Variants in P3H4 observed in about 807,000 individuals in gnomAD.
The protein encoded by P3H4 is prolyl 3-hydroxylase family member 4 (inactive), also known as endoplasmic reticulum protein SC65.
A neutral mutation model predicts 52.9 loss-of-function variants in P3H4; 47 were observed. That is an observed-to-expected ratio of 0.89 (90% CI 0.70 to 1.13). The LOEUF (loss-of-function observed/expected upper bound fraction) is 1.13, where lower values mean the gene tolerates loss of function less well. Among genes scored for constraint, P3H4 ranks in the 50% most tolerant of loss-of-function variants. The pLI is 0.00. For synonymous variants in P3H4, 256 were observed against 267.9 expected (o/e 0.96, Z 0.44); for missense variants, 585 against 611.0 (o/e 0.96, Z 0.45).
At position 41,811,774 on chromosome 17, in the gene P3H4, C is replaced by T; in HGVS notation, c.142G>A (p.Glu48Lys). 2 of 1,532,432 alleles carry T rather than the reference C, an allele frequency of 1.3e-6. No individual in the cohort carries two copies. The highest frequency in any genetic ancestry group is 4.0e-5 in the Admixed American group (2 of 50,478). The allele number at this position is 1,532,432 out of a possible 1,614,324, so 94.9% of individuals were successfully genotyped here. ...GCGCTCTCGCGCCAGCTCTCTCCCT[C>T]GTACTGCTCCAGAGCGTGCCCGTAC... ...AAYGHALEQY[E>K]GESWRESARY... The change falls in exon 1 of 8, where the codon GAG becomes AAG. Residue 48 changes from glutamate (E) to lysine (K), a missense_variant. By Grantham distance (56) the Glu-to-Lys change is moderately conservative. Coordinates refer to ENST00000393928, the MANE Select transcript of P3H4 (RefSeq NM_006455.3). This position sits in a 1 kb window ranked among gnomAD's most constrained non-coding sequence, Gnocchi z 4.8.
rs2047724909 is a variant in P3H4, at chr17:41,810,946, A to T, written c.704T>A (p.Leu235Gln). The T allele has an allele frequency of 6.2e-7, 1 of 1,614,056 alleles. No homozygotes were observed. The highest frequency in any genetic ancestry group is 1.1e-5 in the South Asian group (1 of 91,090). ...EDMERALSEY[L>Q]AVFARCLAGC... is the part of the protein sequence containing the mutation. ...GGCCAGGCACCGGGCAAAGACTGCC[A>T]GGTACTCTGACAAGGCCCGCTCCAT... Residue 235 changes from leucine (L) to glutamine (Q), a missense_variant, in exon 3 of 8, where the codon CTG (leucine) becomes CAG (glutamine). Coordinates refer to ENST00000393928, the MANE Select transcript of P3H4 (RefSeq NM_006455.3).
intron 3 of P3H4, 63 bp from the exon 4 acceptor site, chr17:41,809,897 G>A: frequency 1.3e-6 from 2 of 1,571,140 alleles, no homozygotes; most frequent in Non-Finnish European, 1.7e-6. Context: ...CCCCCCAGTG[G>A]AGAAGACTCT....
At chr17:41,806,954 G>T (rs1312173066) in intron 5 of P3H4, 75 bp from the exon 6 acceptor site, 2 of 1,161,298 alleles carry the variant, frequency 1.7e-6, no homozygotes, top group Non-Finnish European at 2.5e-6. Flanking sequence ...GGGCTCCTAG[G>T]ATCTGGGCCC....
In P3H4 at chr17:41,810,539, T is replaced by C. The variant is rs183890406; in HGVS notation, c.787+324A>G. 3.2e-3 allele frequency: 847 copies of C among 261,568 alleles called. 2 individuals are homozygous for C. Among genetic ancestry groups the C allele is most frequent in the Non-Finnish European group, 4.3e-3 (589 of 137,660 alleles). The allele number at this position is 261,568 out of a possible 1,614,324, so 16.2% of individuals were successfully genotyped here. A position where few individuals can be genotyped will look rare whatever the true frequency, so the allele number is the denominator to read the frequency against. On this transcript the variant is annotated intron_variant, in intron 3 of 7. Transcript: ENST00000393928. ...AGAGATCCCAAGACTAGGTGTAATT[T>C]CTGGTTATCAACTGCTTTCTGCACA...
chr17:41,811,659 G>A lies in P3H4; in HGVS notation c.257C>T (p.Ala86Val), dbSNP rs1555615215. 4.9e-6 allele frequency: 7 copies of A among 1,429,492 alleles called. No homozygotes were observed. The highest frequency in any genetic ancestry group is 1.5e-5 in the South Asian group (1 of 66,730). The allele number at this position is 1,429,492 out of a possible 1,614,324, so 88.6% of individuals were successfully genotyped here. The change falls in exon 1 of 8, where the codon GCG becomes GTG. Residue 86 changes from alanine (A) to valine (V), a missense_variant. Ala to Val is a moderately conservative substitution (Grantham distance 64). Coordinates refer to ENST00000393928, the MANE Select transcript of P3H4 (RefSeq NM_006455.3). This position sits in a 1 kb window ranked among gnomAD's most constrained non-coding sequence, Gnocchi z 4.8. Reference sequence around the variant, plus strand: ...GCCGCCGTCGGGATCGGGCTTGGCCGCGGGCGCGGGGCCGCTGCAGTTGGC... The same window carrying A: ...GCCGCCGTCGGGATCGGGCTTGGCCACGGGCGCGGGGCCGCTGCAGTTGGC... ...CHANCSGPAP[A>V]AKPDPDGGRA...
chr17:41,803,457 G>A, intron 6 of P3H4, 26 bp from the exon 7 acceptor site: 1 of 1,610,828 alleles, frequency 6.2e-7, no homozygotes, highest in Non-Finnish European at 8.5e-7. Context: ...GGTTGTGGGA[G>A]AAACCGGGTC....
chr17:41,803,088 A>G, intron 7 of P3H4, 109 bp from the exon 8 acceptor site: 1 of 1,444,322 alleles, frequency 6.9e-7, no homozygotes, highest in South Asian at 1.3e-5. Context: ...GACAGGTCTC[A>G]GCTGGTCCCA....
rs1555615123 is a variant in P3H4 at position 41,811,436 on chromosome 17, G to A, written c.462+18C>T. The stretch of plus-strand genomic sequence containing the variant: ...CGCCCAGCCCGAGACAGGTCCCCGG[G>A]TGGGGGCGGGCTCCCACCTTGAACA... On this transcript the variant is annotated intron_variant, in intron 1 of 7. Coordinates refer to ENST00000393928, the MANE Select transcript of P3H4 (RefSeq NM_006455.3). This position sits in a 1 kb window ranked among gnomAD's most constrained non-coding sequence, Gnocchi z 4.8. The A allele has an allele frequency of 3.1e-6, 5 of 1,611,380 alleles. No homozygotes were observed. Among genetic ancestry groups the A allele is most frequent in the East Asian group, 2.2e-5 (1 of 44,856 alleles).
At chr17:41,808,080 G>A in intron 4 of P3H4, 76 bp from the exon 5 acceptor site, 3 of 1,528,496 alleles carry the variant, frequency 2.0e-6, no homozygotes, top group Non-Finnish European at 2.7e-6. Flanking sequence ...GTTCAGTCCA[G>A]CACCCCTGCT....
chr17:41,809,820 A>T lies in P3H4; in HGVS notation c.802T>A (p.Ser268Thr), dbSNP rs781929245. 7 of 1,612,586 alleles carry T rather than the reference A, an allele frequency of 4.3e-6. No individual in the cohort carries two copies. Among genetic ancestry groups the T allele is most frequent in the Non-Finnish European group, 5.1e-6 (6 of 1,179,318 alleles). The stretch of plus-strand genomic sequence containing the variant: ...TCACAGTCCACCTTGCACTGCAGGG[A>T]CTCTGCAAAGAGATCTGAGGGTGGG... Reference protein sequence around the residue: ...YPAIADLFAESLQCKVDCEAN... With the variant: ...YPAIADLFAETLQCKVDCEAN... The change falls in exon 4 of 8, where the codon TCC becomes ACC. Residue 268 changes from serine (S) to threonine (T), a missense_variant. By Grantham distance (58) the Ser-to-Thr change is moderately conservative. Coordinates refer to ENST00000393928, the MANE Select transcript of P3H4 (RefSeq NM_006455.3).
intron 7 of P3H4, 34 bp from the exon 8 acceptor site, chr17:41,803,013 C>A: frequency 6.2e-7 from 1 of 1,604,980 alleles, no homozygotes; most frequent in Non-Finnish European, 8.5e-7. Flanking sequence ...TGGGGTTGCT[C>A]CCCCACCCAC....
chr17:41,804,021 G>A (rs1188908621), intron 6 of P3H4, among the ~76,000 whole-genome samples: 5 of 150,072 alleles, frequency 3.3e-5, no homozygotes, highest in Non-Finnish European at 1.5e-5. Flanking sequence ...GCATGATCTC[G>A]GCTCACTGCA....
intron 5 of P3H4, chr17:41,807,112 A>G (rs2144020455): frequency 1.8e-6 from 1 of 545,376 alleles, no homozygotes; most frequent in South Asian, 2.3e-5. Flanking sequence ...TCTGCCACTG[A>G]CAAGGAAGGC....
intron 5 of P3H4, 115 bp downstream of exon 5, chr17:41,807,744 C>T (rs1353543545): frequency 8.1e-5 from 106 of 1,309,000 alleles, no homozygotes; most frequent in Non-Finnish European, 1.0e-4. Flanking sequence ...GTGATCCACC[C>T]GCCTCAGCCT....
At position 41,811,154 on chromosome 17, in the gene P3H4, T is replaced by C. The variant is rs1224308515; in HGVS notation, c.593A>G (p.Asp198Gly). 1.9e-6 allele frequency: 3 copies of C among 1,614,118 alleles called. No homozygotes were observed. Among genetic ancestry groups the C allele is most frequent in the Non-Finnish European group, 1.7e-6 (2 of 1,180,010 alleles). The change falls in exon 2 of 8, where the codon GAC becomes GGC. Residue 198 changes from aspartate (D) to glycine (G), a missense_variant. Physicochemically the swap from Asp to Gly is moderately conservative, Grantham distance 94 (BLOSUM62 -1). Transcript: ENST00000393928. The surrounding 1 kb of genome is among the most constrained non-coding windows in gnomAD (Gnocchi z 4.8). The part of the protein sequence containing the change: ...MLDVADESLT[D>G]LEAQPYEAVF... ...CACCTCGTAGGGCTGGGCCTCTAGGTCCGTGAGGGACTCGTCGGCGACGTC... is the reference window on the plus strand; with the variant it reads ...CACCTCGTAGGGCTGGGCCTCTAGGCCCGTGAGGGACTCGTCGGCGACGTC...
chr17:41,811,749 G>A lies in P3H4; in HGVS notation c.167C>T (p.Ala56Val). The change falls in exon 1 of 8, where the codon GCG becomes GTG. Residue 56 changes from alanine to valine, a missense_variant. Ala to Val is a moderately conservative substitution (Grantham distance 64). Coordinates refer to ENST00000393928, the MANE Select transcript of P3H4 (RefSeq NM_006455.3). This position sits in a 1 kb window ranked among gnomAD's most constrained non-coding sequence, Gnocchi z 4.8. ...QYEGESWRES[A>V]RYLEAALRLH... ...CCGCAGCGCCGCCTCCAGGTAGCGC[G>A]CGCTCTCGCGCCAGCTCTCTCCCTC... 6.6e-7 allele frequency: 1 copy of A among 1,520,664 alleles called. No individual in the cohort carries two copies. Among genetic ancestry groups the A allele is most frequent in the Non-Finnish European group, 8.7e-7 (1 of 1,146,224 alleles). The allele number at this position is 1,520,664 out of a possible 1,614,324, so 94.2% of individuals were successfully genotyped here. A position where few individuals can be genotyped will look rare whatever the true frequency, so the allele number is the denominator to read the frequency against.
rs1555613793 is a variant in P3H4 at position 41,803,444 on chromosome 17, C to T, written c.1147-13G>A. On this transcript the variant is annotated splice_polypyrimidine_tract_variant and intron_variant, in intron 6 of 7. Transcript: ENST00000393928. ...CCTCCAGCTCCATCTAGAGTAGCGCCACGGTTGTGGGAGAAACCGGGTCAC... is the reference window on the plus strand; with the variant it reads ...CCTCCAGCTCCATCTAGAGTAGCGCTACGGTTGTGGGAGAAACCGGGTCAC... The T allele has an allele frequency of 6.2e-7, 1 of 1,612,610 alleles. No individual in the cohort carries two copies. Among genetic ancestry groups the T allele is most frequent in the South Asian group, 1.1e-5 (1 of 90,954 alleles).
intron 6 of P3H4, among the ~76,000 whole-genome samples, chr17:41,805,075 G>A (rs1210584964): frequency 6.6e-6 from 1 of 151,980 alleles, no homozygotes; most frequent in East Asian, 2.0e-4. Context: ...CACAAGGTCA[G>A]GAGATCGAGA....
Position 41,811,425 on chromosome 17 carries a change from C to G in P3H4, c.462+29G>C. On this transcript the variant is annotated intron_variant, in intron 1 of 7. Coordinates refer to ENST00000393928, the MANE Select transcript of P3H4 (RefSeq NM_006455.3). The surrounding 1 kb of genome is among the most constrained non-coding windows in gnomAD (Gnocchi z 4.8). ...GGGAGCCACGACGCCCAGCCCGAGA[C>G]AGGTCCCCGGGTGGGGGCGGGCTCC... 1 of 1,610,508 alleles carries G rather than the reference C, an allele frequency of 6.2e-7. No individual in the cohort carries two copies. Among genetic ancestry groups the G allele is most frequent in the South Asian group, 1.1e-5 (1 of 90,950 alleles).
Sources: allele counts gnomAD v4.1 joint callset (sites outside exome capture counted in the v4.1 genomes callset), GRCh38; gene constraint gnomAD v4.1.1; non-coding constraint Gnocchi (gnomAD v3.1); transcripts MANE v1.5; gene names NCBI Gene and HGNC (gene_info 2026-07-23, HGNC 2026-07-21).